Variants in FRMPD3 observed in about 807,000 individuals in gnomAD.
FRMPD3 encodes the protein FERM and PDZ domain containing 3.
A neutral mutation model predicts 97.9 loss-of-function variants in FRMPD3; 42 were observed. The ratio of observed to expected loss-of-function variants is 0.43; its 90% confidence interval spans 0.34 to 0.55. The LOEUF is 0.55. FRMPD3 is among the 20% of genes least tolerant of loss of function. The pLI, the probability that FRMPD3 is intolerant of heterozygous loss-of-function variation, is 0.03. For synonymous variants in FRMPD3, 577 were observed against 581.1 expected, an observed-to-expected ratio of 0.99 and a Z score of 0.10; for missense variants, 1,303 against 1,457.7, an observed-to-expected ratio of 0.89 and a Z score of 1.73.
chrX:107,569,964 C>T (rs1262649478), intron 12 of FRMPD3, among the ~76,000 whole-genome samples: 2 of 105,879 alleles, frequency 1.9e-5, no homozygotes, highest in Non-Finnish European at 3.9e-5. Flanking sequence ...TGCAGTGAGC[C>T]GTGATCATGC....
At chrX:107,542,610 T>C (rs893022328) in intron 4 of FRMPD3, among the ~76,000 whole-genome samples, 3 of 111,969 alleles carry the variant, frequency 2.7e-5, no homozygotes, top group African/African-American at 9.8e-5. Flanking sequence ...ATCTCCCCTC[T>C]GTGGGAATGA....
intron 1 of FRMPD3, among the ~76,000 whole-genome samples, chrX:107,475,281 T>C (rs6652960): frequency 8.9e-6 from 1 of 111,973 alleles, no homozygotes; most frequent in African/African-American, 3.2e-5. Flanking sequence ...TTGAGCTACT[T>C]TCAAGTGTCT....
At chrX:107,526,058 AGAGT>A (rs779293129) in intron 1 of FRMPD3, among the ~76,000 whole-genome samples, 8 of 111,368 alleles carry the variant, frequency 7.2e-5, no homozygotes, top group Non-Finnish European at 1.1e-4. Context: ...CCTGGGTGAC[AGAGT>A]GAGACTCTGT....
At chrX:107,584,850 C>A (rs930823684) in intron 13 of FRMPD3, among the ~76,000 whole-genome samples, 2 of 111,421 alleles carry the variant, frequency 1.8e-5, no homozygotes, top group Admixed American at 9.5e-5. Flanking sequence ...ACTGTAGCCT[C>A]GTAGTATAGT....
At chrX:107,571,712 CG>C (rs1390554870) in intron 12 of FRMPD3, among the ~76,000 whole-genome samples, 3 of 112,385 alleles carry the variant, frequency 2.7e-5, no homozygotes, top group Non-Finnish European at 5.6e-5. Context: ...GGCAGCTCAG[CG>C]GTCAGAATGT....
intron 4 of FRMPD3, among the ~76,000 whole-genome samples, chrX:107,542,609 CTG>C (rs1407952626): frequency 1.8e-5 from 2 of 112,051 alleles, no homozygotes; most frequent in East Asian, 5.6e-4. Flanking sequence ...AATCTCCCCT[CTG>C]TGGGAATGAG....
intron 13 of FRMPD3, among the ~76,000 whole-genome samples, chrX:107,585,595 A>C (rs2147629131): frequency 9.0e-6 from 1 of 111,531 alleles, no homozygotes; most frequent in South Asian, 3.8e-4. Flanking sequence ...AATAGCTCTT[A>C]TTATTTTGAG....
In FRMPD3 at chrX:107,603,451, A is replaced by AGT; in HGVS notation, c.*89_*90dup. ...TTTGTGGTCCTTGCATCTTGTGGTG[A>AGT]GTGTGTGTGTGTCTGCTGGGCCAGT... On this transcript the variant is annotated 3_prime_UTR_variant, in exon 15 of 15. Transcript: ENST00000683843. The AGT allele has an allele frequency of 9.1e-7, 1 of 1,104,211 alleles. No homozygotes were observed. The highest frequency in any genetic ancestry group is 1.2e-6 in the Non-Finnish European group (1 of 843,148). 91.0% of individuals were successfully genotyped at this position (1,104,211 alleles called of 1,213,427 possible).
intron 1 of FRMPD3, among the ~76,000 whole-genome samples, chrX:107,488,686 G>A (rs1450617712): frequency 9.0e-6 from 1 of 111,110 alleles, no homozygotes; most frequent in African/African-American, 3.3e-5. Context: ...ATTGCAACCC[G>A]GCACTTTCAG....
chrX:107,528,897 C>T (rs753579129), intron 2 of FRMPD3, among the ~76,000 whole-genome samples: 1 of 113,010 alleles, frequency 8.8e-6, no homozygotes, highest in East Asian at 2.8e-4. Flanking sequence ...TGTGCTGGCA[C>T]AGCCATCCTC....
At chrX:107,458,983 A>G (rs1931421533) in intron 1 of FRMPD3, among the ~76,000 whole-genome samples, 2 of 112,288 alleles carry the variant, frequency 1.8e-5, no homozygotes, top group Admixed American at 1.9e-4. Context: ...CTTAGCCTCA[A>G]TACTTACACT....
intron 1 of FRMPD3, among the ~76,000 whole-genome samples, chrX:107,520,278 C>A (rs1418573134): frequency 9.1e-6 from 1 of 110,420 alleles, no homozygotes; most frequent in African/African-American, 3.3e-5. Context: ...ATTGAAGTGG[C>A]CCTCAGCTCA....
chrX:107,554,363 C>G (rs754073376), intron 7 of FRMPD3, 22 bp from the exon 8 acceptor site: 1 of 1,200,862 alleles, frequency 8.3e-7, no homozygotes, highest in Non-Finnish European at 1.1e-6. Context: ...TTTTCTTCTC[C>G]CCTTTCATCC....
chrX:107,575,841 T>G (rs997025601), intron 12 of FRMPD3, among the ~76,000 whole-genome samples: 1 of 112,047 alleles, frequency 8.9e-6, no homozygotes, highest in Non-Finnish European at 1.9e-5. Flanking sequence ...TTCCTCCATG[T>G]CCAGGGAGGT....
intron 1 of FRMPD3, among the ~76,000 whole-genome samples, chrX:107,505,513 T>C (rs1344401393): frequency 8.9e-6 from 1 of 112,249 alleles, no homozygotes; most frequent in Non-Finnish European, 1.9e-5. Context: ...TGAGCTGAGA[T>C]CGTGCCACTA....
intron 1 of FRMPD3, among the ~76,000 whole-genome samples, chrX:107,506,964 C>A (rs1408691190): frequency 9.0e-6 from 1 of 111,361 alleles, no homozygotes; most frequent in African/African-American, 3.3e-5. Context: ...CGAGAGGGTT[C>A]CCGGGCCGGG....
At chrX:107,533,746 G>A (rs1284662449) in intron 4 of FRMPD3, among the ~76,000 whole-genome samples, 196 bp downstream of exon 4, 1 of 112,080 alleles carries the variant, frequency 8.9e-6, no homozygotes, top group African/African-American at 3.2e-5. Context: ...GGACTTTGAA[G>A]GGCTGTGCTG....
At chrX:107,481,293 G>A (rs1921364743) in intron 1 of FRMPD3, among the ~76,000 whole-genome samples, 1 of 112,190 alleles carries the variant, frequency 8.9e-6, no homozygotes. Flanking sequence ...TCTCAGTGCT[G>A]GCAGGGCCTG....
intron 1 of FRMPD3, among the ~76,000 whole-genome samples, chrX:107,458,021 G>A (rs187074538): frequency 2.7e-5 from 3 of 112,104 alleles, no homozygotes; most frequent in East Asian, 5.6e-4. Context: ...GGAGTGTTCT[G>A]AAAGCTAGGA....
Sources: gnomAD v4.1 joint callset for allele counts (sites outside exome capture counted in the v4.1 genomes callset) on GRCh38, gnomAD v4.1.1 for gene constraint, MANE v1.5 for transcripts, NCBI Gene and HGNC (gene_info 2026-07-23, HGNC 2026-07-21) for gene names.